The following KDM4C variants were observed in gnomAD, a reference collection of about 807,000 sequenced individuals.
KDM4C encodes lysine demethylase 4C, also known as lysine-specific demethylase 4C.
In KDM4C, 81 loss-of-function variants were observed where a neutral mutation model predicts 129.3. That is an observed-to-expected ratio of 0.63 (90% CI 0.52 to 0.75). The LOEUF is 0.75. Ranked by LOEUF, KDM4C falls within the 30% of genes least tolerant of loss-of-function variation. The pLI is 0.00. For missense variants in KDM4C, 1,457 were observed against 1,304.0 expected (o/e 1.12, Z -1.81); for synonymous variants, 573 against 456.1 (o/e 1.26, Z -3.26).
chr9:6,799,672 A>G (rs1217868251), intron 2 of KDM4C, among the ~76,000 whole-genome samples: 1 of 150,454 alleles, frequency 6.6e-6, no homozygotes, highest in African/African-American at 2.4e-5. Context: ...CAAAACAGAA[A>G]AACATTTAAT....
chr9:6,962,499 A>G (rs1405404319), intron 8 of KDM4C, among the ~76,000 whole-genome samples: 1 of 152,230 alleles, frequency 6.6e-6, no homozygotes, highest in Admixed American at 6.5e-5. Context: ...TTTTAAACAA[A>G]GTATGAGCAA....
chr9:7,170,433 A>AAAGCAGTTTTT (rs1313981723), intron 21 of KDM4C: 5 of 987,742 alleles, frequency 5.1e-6, no homozygotes, highest in Non-Finnish European at 6.0e-6. Flanking sequence ...AGTTGTGGGA[A>AAAGCAGTTTTT]TACTAAAGCA....
At chr9:7,079,393 G>T (rs1178213335) in intron 17 of KDM4C, among the ~76,000 whole-genome samples, 1 of 152,148 alleles carries the variant, frequency 6.6e-6, no homozygotes, top group East Asian at 1.9e-4. Context: ...GTACGATCTT[G>T]GCTCACTACA....
chr9:7,088,186 G>A (rs917321719), intron 17 of KDM4C, among the ~76,000 whole-genome samples: 7 of 152,168 alleles, frequency 4.6e-5, no homozygotes, highest in Non-Finnish European at 5.9e-5. Flanking sequence ...AGGCCTGGAG[G>A]CCCTGCTTTG....
chr9:6,766,490 A>T (rs1346111322), intron 1 of KDM4C, among the ~76,000 whole-genome samples: 1 of 152,114 alleles, frequency 6.6e-6, no homozygotes, highest in Non-Finnish European at 1.5e-5. Flanking sequence ...GGGACATTTT[A>T]GTGGAGTTCA....
chr9:7,165,114 T>C, intron 19 of KDM4C, 124 bp from the exon 20 acceptor site: 2 of 1,158,388 alleles, frequency 1.7e-6, no homozygotes, highest in Non-Finnish European at 2.4e-6. Context: ...CCATGCGAGA[T>C]CATAATCCAT....
intron 8 of KDM4C, chr9:6,941,651 G>A (rs1825957454): frequency 1.3e-5 from 2 of 152,162 alleles, no homozygotes; most frequent in African/African-American, 4.8e-5. Flanking sequence ...GATGCTTAAT[G>A]TCAGATCTAT....
intron 8 of KDM4C, among the ~76,000 whole-genome samples, chr9:6,918,590 C>G (rs1820761457): frequency 1.3e-5 from 2 of 152,154 alleles, no homozygotes; most frequent in South Asian, 4.1e-4. Context: ...TTAGAGAAAT[C>G]TCCAAACAGC....
chr9:6,784,580 G>C (rs1024783481), intron 1 of KDM4C, among the ~76,000 whole-genome samples: 2 of 152,150 alleles, frequency 1.3e-5, no homozygotes, highest in African/African-American at 4.8e-5. Flanking sequence ...AATCCTTTTG[G>C]TCTAGGATCC....
At chr9:6,847,599 C>T (rs890415257) in intron 4 of KDM4C, among the ~76,000 whole-genome samples, 1 of 152,102 alleles carries the variant, frequency 6.6e-6, no homozygotes. Context: ...ACCGTGTTAG[C>T]CAGGATGGTC....
At chr9:7,068,437 G>T (rs377293475) in intron 17 of KDM4C, among the ~76,000 whole-genome samples, 1 of 152,104 alleles carries the variant, frequency 6.6e-6, no homozygotes, top group Non-Finnish European at 1.5e-5. Context: ...TCAGGTGTAT[G>T]ATTTGCTGCA....
chr9:6,751,450 T>A (rs981619601), intron 1 of KDM4C, among the ~76,000 whole-genome samples: 3 of 151,692 alleles, frequency 2.0e-5, no homozygotes, highest in Non-Finnish European at 4.4e-5. Flanking sequence ...TGTCTTAAAA[T>A]TAATAATAAT....
intron 12 of KDM4C, among the ~76,000 whole-genome samples, chr9:6,995,447 G>T (rs1266305701): frequency 6.6e-6 from 1 of 152,098 alleles, no homozygotes; most frequent in Non-Finnish European, 1.5e-5. Flanking sequence ...CTCATAAAAG[G>T]GAATTGTTCA....
chr9:7,118,605 A>T (rs1043134744), intron 18 of KDM4C, among the ~76,000 whole-genome samples: 11 of 152,224 alleles, frequency 7.2e-5, no homozygotes, highest in Admixed American at 3.3e-4. Context: ...TAATTCATAG[A>T]AATTAAGGAT....
At chr9:7,001,506 A>C (rs1820712848) in intron 12 of KDM4C, among the ~76,000 whole-genome samples, 1 of 152,184 alleles carries the variant, frequency 6.6e-6, no homozygotes, top group African/African-American at 2.4e-5. Context: ...TTTTGAAGGG[A>C]AATGAGAGGA....
At chr9:6,923,169 C>T (rs547607621) in intron 8 of KDM4C, among the ~76,000 whole-genome samples, 6 of 151,886 alleles carry the variant, frequency 4.0e-5, no homozygotes, top group Non-Finnish European at 5.9e-5. Flanking sequence ...ACCTGGGGGC[C>T]GAGATTATGG....
At chr9:6,985,362 C>T (rs1273899668) in intron 10 of KDM4C, among the ~76,000 whole-genome samples, 1 of 152,232 alleles carries the variant, frequency 6.6e-6, no homozygotes, top group African/African-American at 2.4e-5. Context: ...CTTGAAATAG[C>T]TGTGTGGATA....
intron 1 of KDM4C, among the ~76,000 whole-genome samples, chr9:6,790,653 G>GC (rs1826383673): frequency 8.3e-4 from 9 of 10,830 alleles, no homozygotes; most frequent in South Asian, 6.8e-3. Context: ...ATTAAATTCA[G>GC]CAAAAAAAAA....
chr9:6,785,940 C>CT (rs1415847998), intron 1 of KDM4C, among the ~76,000 whole-genome samples: 2 of 152,208 alleles, frequency 1.3e-5, no homozygotes, highest in Non-Finnish European at 2.9e-5. Flanking sequence ...CAGAATCCTT[C>CT]TTTTTCTAGC....
Sources: allele counts gnomAD v4.1 joint callset (sites outside exome capture counted in the v4.1 genomes callset), GRCh38; gene constraint gnomAD v4.1.1; transcripts MANE v1.5; gene names NCBI Gene and HGNC (gene_info 2026-07-23, HGNC 2026-07-21).